The following KAZN variants were observed in gnomAD, a reference collection of about 807,000 sequenced individuals.
KAZN encodes the protein kazrin, periplakin interacting protein, also known as kazrin.
KAZN carries 40 observed loss-of-function variants against 87.4 expected under a neutral mutation model. That is an observed-to-expected ratio of 0.46 (90% CI 0.36 to 0.60). The LOEUF is 0.60. Among genes scored for constraint, KAZN ranks in the 20% least tolerant of loss-of-function variants. KAZN has a pLI of 0.00. For missense variants in KAZN, 898 were observed against 1,073.9 expected, an observed-to-expected ratio of 0.84 and a Z score of 2.29; for synonymous variants, 466 against 458.3, an observed-to-expected ratio of 1.02 and a Z score of -0.22.
At chr1:13,913,203 A>G (rs1225888613) in intron 1 of KAZN, among the ~76,000 whole-genome samples, 1 of 152,190 alleles carries the variant, frequency 6.6e-6, no homozygotes, top group African/African-American at 2.4e-5. Context: ...TTGCCAGCTC[A>G]GATAGACAGA....
intron 2 of KAZN, among the ~76,000 whole-genome samples, chr1:14,340,863 ATCTCCGT>A (rs1436612627): frequency 1.4e-4 from 20 of 143,928 alleles, no homozygotes; most frequent in Non-Finnish European, 2.9e-4. Flanking sequence ...TTCATCTTAT[ATCTCCGT>A]AAGGGTCATG....
chr1:14,892,255 G>A (rs1000206670), intron 1 of KAZN, among the ~76,000 whole-genome samples: 14 of 152,146 alleles, frequency 9.2e-5, no homozygotes, highest in Non-Finnish European at 2.1e-4. Flanking sequence ...CCTGGCAGAA[G>A]AGAGTTCAGT....
At chr1:14,910,458 TAGG>T (rs762697058) in intron 1 of KAZN, among the ~76,000 whole-genome samples, 2 of 152,128 alleles carry the variant, frequency 1.3e-5, no homozygotes, top group Non-Finnish European at 2.9e-5. Flanking sequence ...TTCTTTGCTG[TAGG>T]AGGTCATTCT....
At chr1:14,659,749 C>G (rs1047242944) in intron 1 of KAZN, among the ~76,000 whole-genome samples, 4 of 152,096 alleles carry the variant, frequency 2.6e-5, no homozygotes, top group African/African-American at 9.7e-5. Flanking sequence ...TACAACAAGG[C>G]AATTTTCATA....
intron 1 of KAZN, among the ~76,000 whole-genome samples, chr1:14,782,384 C>T (rs1427657445): frequency 6.6e-6 from 1 of 151,826 alleles, no homozygotes; most frequent in Non-Finnish European, 1.5e-5. Context: ...ACCGTCTCTA[C>T]TAAAAATACA....
At chr1:14,531,916 G>T (rs904040638) in intron 2 of KAZN, among the ~76,000 whole-genome samples, 5 of 152,078 alleles carry the variant, frequency 3.3e-5, no homozygotes, top group African/African-American at 9.7e-5. Context: ...GAGCCTCCCC[G>T]CGGGAGAGAG....
chr1:14,915,733 A>G (rs954714585), intron 1 of KAZN, among the ~76,000 whole-genome samples: 6 of 152,198 alleles, frequency 3.9e-5, no homozygotes, highest in African/African-American at 1.4e-4. Flanking sequence ...TGCCTTTTCC[A>G]GCCACATCAC....
At chr1:14,357,232 T>C (rs1396655970) in intron 2 of KAZN, among the ~76,000 whole-genome samples, 1 of 152,186 alleles carries the variant, frequency 6.6e-6, no homozygotes, top group Non-Finnish European at 1.5e-5. Context: ...TTGTCTGTTA[T>C]TGGTGTATAG....
At chr1:15,101,257 T>C (rs1395160906) in intron 10 of KAZN, among the ~76,000 whole-genome samples, 3 of 151,480 alleles carry the variant, frequency 2.0e-5, no homozygotes, top group African/African-American at 7.3e-5. Context: ...TCTCCTTCTC[T>C]GTCTCTTTCT....
chr1:14,379,441 G>C (rs1294921437), intron 2 of KAZN, among the ~76,000 whole-genome samples: 1 of 152,006 alleles, frequency 6.6e-6, no homozygotes, highest in Non-Finnish European at 1.5e-5. Context: ...CAGGCTTTCA[G>C]GGTCCCTGAT....
intron 2 of KAZN, among the ~76,000 whole-genome samples, chr1:14,974,301 A>C (rs1308050136): frequency 1.3e-5 from 2 of 152,300 alleles, no homozygotes; most frequent in African/African-American, 4.8e-5. Flanking sequence ...GGCATGGGAG[A>C]TGCATTTGTG....
At chr1:14,001,377 T>A (rs10927992) in intron 1 of KAZN, among the ~76,000 whole-genome samples, 22,109 of 152,146 alleles carry the variant, frequency 0.15, 1,719 homozygotes, top group Middle Eastern at 0.22. Context: ...TAAAAAAACA[T>A]TTCATCCTCA....
At chr1:14,684,966 T>C (rs1193170307) in intron 1 of KAZN, among the ~76,000 whole-genome samples, 3 of 152,164 alleles carry the variant, frequency 2.0e-5, no homozygotes, top group African/African-American at 7.2e-5. Flanking sequence ...ACAGATGGGA[T>C]TGTGTACATG....
At chr1:14,754,192 A>C (rs1644491734) in intron 1 of KAZN, among the ~76,000 whole-genome samples, 1 of 152,148 alleles carries the variant, frequency 6.6e-6, no homozygotes. Flanking sequence ...TGCAGGGCCC[A>C]CCCTGGGCTT....
At position 14,929,372 on chromosome 1, in the gene KAZN, C is replaced by G. The variant is rs533156627; in HGVS notation, c.227-31312C>G. 3.3e-5 allele frequency among the ~76,000 whole-genome samples: 5 copies of G among 152,286 alleles called. No homozygotes were observed. In the East Asian group the frequency reaches 9.7e-4, roughly 29 times the overall value. ...ATCACGAAATCTCCATAATGGGCAC[C>G]AAGCACCATTTATGTTCTTTGTAAT... On this transcript the variant is annotated intron_variant, in intron 1 of 14. Coordinates refer to ENST00000376030, the MANE Select transcript of KAZN (RefSeq NM_201628.3).
chr1:14,154,275 T>A (rs932693275), intron 1 of KAZN, among the ~76,000 whole-genome samples: 5 of 152,154 alleles, frequency 3.3e-5, no homozygotes, highest in African/African-American at 7.2e-5. Flanking sequence ...ATGGGATTTT[T>A]AAAAAAAATT....
At chr1:14,863,440 C>T (rs1326049083) in intron 1 of KAZN, among the ~76,000 whole-genome samples, 1 of 152,324 alleles carries the variant, frequency 6.6e-6, no homozygotes, top group East Asian at 1.9e-4. Context: ...GTTTCAAAGA[C>T]AGCTTTGAGC....
At chr1:14,438,580 T>C (rs1391626479) in intron 2 of KAZN, among the ~76,000 whole-genome samples, 1 of 152,068 alleles carries the variant, frequency 6.6e-6, no homozygotes, top group African/African-American at 2.4e-5. Context: ...AAATGGGAAA[T>C]GGCAAGGAGG....
At chr1:14,537,425 A>T (rs1416758031) in intron 2 of KAZN, among the ~76,000 whole-genome samples, 1 of 152,194 alleles carries the variant, frequency 6.6e-6, no homozygotes, top group Non-Finnish European at 1.5e-5. Context: ...TAATTTTTAC[A>T]ACTTTAAATT....
Sources: gnomAD v4.1 joint callset for allele counts (sites outside exome capture counted in the v4.1 genomes callset) on GRCh38, gnomAD v4.1.1 for gene constraint, MANE v1.5 for transcripts, NCBI Gene and HGNC (gene_info 2026-07-23, HGNC 2026-07-21) for gene names.